ZNF236: variants seen among roughly 807,000 people sequenced by gnomAD.
The protein encoded by ZNF236 is regulated by glucose.
Under a neutral mutation model 191.2 loss-of-function variants are expected in ZNF236, and 50 were observed. That is an observed-to-expected ratio of 0.26 (90% CI 0.21 to 0.33). The LOEUF (loss-of-function observed/expected upper bound fraction) is 0.33, where lower values mean the gene tolerates loss of function less well. ZNF236 is among the 10% of genes least tolerant of loss of function. The pLI is 1.00. For missense variants in ZNF236, 1,754 were observed against 2,374.5 expected, an observed-to-expected ratio of 0.74 and a Z score of 5.43; for synonymous variants, 907 against 928.8, an observed-to-expected ratio of 0.98 and a Z score of 0.43.
intron 30 of ZNF236, among the ~76,000 whole-genome samples, chr18:76,962,651 A>G (rs1023656742): frequency 1.3e-5 from 2 of 152,060 alleles, no homozygotes; most frequent in African/African-American, 4.8e-5. Flanking sequence ...TTTTGGCAGT[A>G]TGGCCATTTT....
At chr18:76,915,566 T>A in intron 18 of ZNF236, 81 bp from the exon 19 acceptor site, 3 of 1,288,664 alleles carry the variant, frequency 2.3e-6, no homozygotes, top group Non-Finnish European at 3.3e-6. Flanking sequence ...AACATATCTT[T>A]GTTTGGTTTT....
Position 76,879,096 on chromosome 18 carries a change from C to T in ZNF236, c.984+944C>T, listed in dbSNP as rs1440025689. 1.6e-4 allele frequency among the ~76,000 whole-genome samples: 24 copies of T among 152,088 alleles called. No homozygotes were observed. The East Asian group carries it at 4.4e-3, about 28-fold the overall frequency. On this transcript the variant is annotated intron_variant, in intron 7 of 30. Coordinates refer to ENST00000320610, the MANE Select transcript of ZNF236 (RefSeq NM_001306089.2). Reference sequence around the variant, plus strand: ...GAATTTTTTTAAATACAATTTTTAACGTTGTGTAAATCAACCGAGTATTAG... The same window carrying T: ...GAATTTTTTTAAATACAATTTTTAATGTTGTGTAAATCAACCGAGTATTAG...
At chr18:76,941,042 A>G (rs532350299) in intron 26 of ZNF236, among the ~76,000 whole-genome samples, 9 of 152,290 alleles carry the variant, frequency 5.9e-5, no homozygotes, top group Admixed American at 4.6e-4. Flanking sequence ...TCATCCCGAA[A>G]CCATCTCCCC....
rs751492609 is a variant in ZNF236, at chr18:76,908,580, G to T, written c.2551+7G>T. On this transcript the variant is annotated splice_region_variant and intron_variant, in intron 14 of 30. Coordinates refer to ENST00000320610, the MANE Select transcript of ZNF236 (RefSeq NM_001306089.2). ...CCCCTGGAAGCAGATGAAGGTAAAT[G>T]TTTCAGGATATTTAACTTTGAGTGA... The T allele has an allele frequency of 6.3e-7, 1 of 1,595,420 alleles. No homozygotes were observed. Among genetic ancestry groups the T allele is most frequent in the Non-Finnish European group, 8.5e-7 (1 of 1,170,868 alleles).
intron 9 of ZNF236, among the ~76,000 whole-genome samples, chr18:76,894,412 C>A (rs1568216494): frequency 2.0e-5 from 3 of 152,260 alleles, no homozygotes; most frequent in East Asian, 3.9e-4. Flanking sequence ...AACAGAGGGA[C>A]AGGTGTACTT....
intron 25 of ZNF236, among the ~76,000 whole-genome samples, chr18:76,928,548 G>A (rs1967767569): frequency 6.6e-6 from 1 of 152,132 alleles, no homozygotes; most frequent in Non-Finnish European, 1.5e-5. Flanking sequence ...TTGAAACATA[G>A]GAGAACATTG....
chr18:76,890,916 C>T (rs1036231459), intron 9 of ZNF236, among the ~76,000 whole-genome samples: 3 of 152,000 alleles, frequency 2.0e-5, no homozygotes, highest in African/African-American at 7.2e-5. Context: ...GCCTACTCAA[C>T]ATGTAGACAA....
At chr18:76,878,631 A>ACC (rs1339401130) in intron 7 of ZNF236, among the ~76,000 whole-genome samples, 3 of 152,024 alleles carry the variant, frequency 2.0e-5, no homozygotes, top group Non-Finnish European at 2.9e-5. Flanking sequence ...ACACACACAC[A>ACC]CACACACAGG....
intron 9 of ZNF236, among the ~76,000 whole-genome samples, chr18:76,883,067 G>A (rs908601198): frequency 6.6e-6 from 1 of 152,152 alleles, no homozygotes. Flanking sequence ...TCCTTAGACC[G>A]AGAAGGTGAG....
chr18:76,834,649 G>A (rs1975269078), intron 1 of ZNF236: 4 of 448,850 alleles, frequency 8.9e-6, no homozygotes, highest in South Asian at 7.5e-5. Context: ...CCCATTCAAT[G>A]TAGAGGACAT....
chr18:76,848,611 G>A (rs1225211061), intron 1 of ZNF236, among the ~76,000 whole-genome samples: 1 of 152,110 alleles, frequency 6.6e-6, no homozygotes, highest in Non-Finnish European at 1.5e-5. Context: ...GATTGTCTGA[G>A]GCATTGCAGT....
chr18:76,855,778 A>G (rs1434834088), intron 3 of ZNF236, among the ~76,000 whole-genome samples: 1 of 152,110 alleles, frequency 6.6e-6, no homozygotes, highest in African/African-American at 2.4e-5. Flanking sequence ...TGCTTCTGTT[A>G]TCTTGTGAGT....
chr18:76,904,624 T>G, intron 12 of ZNF236, 103 bp downstream of exon 12: 3 of 1,048,892 alleles, frequency 2.9e-6, no homozygotes, highest in Non-Finnish European at 3.8e-6. Context: ...GCTTTTGGTA[T>G]TAAAGATGTC....
Position 76,920,138 on chromosome 18 carries a change from G to T in ZNF236, c.3557+80G>T, listed in dbSNP as rs1478715855. 2.0e-6 allele frequency: 3 copies of T among 1,479,092 alleles called. No homozygotes were observed. In the African/African-American group the frequency reaches 4.2e-5, roughly 21 times the overall value. The allele number at this position is 1,479,092 out of a possible 1,614,324, so 91.6% of individuals were successfully genotyped here. Reference sequence around the variant, plus strand: ...AGCTGCTCCTTTGGTGATTTTCACTGCAGCAGGGCCATTAGTTTCTGAACC... The same window carrying T: ...AGCTGCTCCTTTGGTGATTTTCACTTCAGCAGGGCCATTAGTTTCTGAACC... On this transcript the variant is annotated intron_variant, in intron 20 of 30. Transcript: ENST00000320610.
intron 11 of ZNF236, among the ~76,000 whole-genome samples, chr18:76,903,537 A>G (rs1350934886): frequency 1.3e-5 from 2 of 152,156 alleles, no homozygotes; most frequent in African/African-American, 4.8e-5. Flanking sequence ...GGGAGGAGAG[A>G]GGACCGGGAA....
intron 30 of ZNF236, among the ~76,000 whole-genome samples, chr18:76,963,361 T>C (rs1157587264): frequency 6.6e-6 from 1 of 152,250 alleles, no homozygotes; most frequent in Non-Finnish European, 1.5e-5. Flanking sequence ...ATTCTGTTTA[T>C]GTGGTGTATC....
chr18:76,925,414 A>T lies in ZNF236; in HGVS notation c.3887A>T (p.Gln1296Leu). ...ACTCGAAGCTCATCGGAAGGACTGC[A>T]GCCTGTAAACCTCCTCAACTCCTCC... ...PMTRSSSEGLQPVNLLNSSST... is the reference protein window; with the variant it reads ...PMTRSSSEGLLPVNLLNSSST... The change falls in exon 22 of 31, where the codon CAG becomes CTG. Residue 1296 changes from glutamine (Q) to leucine (L), a missense_variant. Gln to Leu is a moderately radical substitution (Grantham distance 113). Transcript: ENST00000320610. The surrounding 1 kb of genome is among the most constrained non-coding windows in gnomAD (Gnocchi z 5.7). The T allele has an allele frequency of 6.2e-7, 1 of 1,614,232 alleles. No individual in the cohort carries two copies. Among genetic ancestry groups the T allele is most frequent in the East Asian group, 2.2e-5 (1 of 44,880 alleles).
intron 12 of ZNF236, 24 bp downstream of exon 12, chr18:76,904,545 G>GA (rs764987017): frequency 6.4e-7 from 1 of 1,555,388 alleles, no homozygotes; most frequent in South Asian, 1.2e-5. Flanking sequence ...TTCACAGATG[G>GA]AAATTTAGTA....
At chr18:76,918,396 A>G (rs1351765605) in intron 19 of ZNF236, among the ~76,000 whole-genome samples, 1 of 152,190 alleles carries the variant, frequency 6.6e-6, no homozygotes, top group African/African-American at 2.4e-5. Context: ...TAGATCACTT[A>G]TAATACCTAA....
Sources: gnomAD v4.1 joint callset for allele counts (sites outside exome capture counted in the v4.1 genomes callset) on GRCh38, gnomAD v4.1.1 for gene constraint, Gnocchi (gnomAD v3.1) non-coding constraint, MANE v1.5 for transcripts, NCBI Gene and HGNC (gene_info 2026-07-23, HGNC 2026-07-21) for gene names.